The following STYXL1 variants were observed in gnomAD, a reference collection of about 807,000 sequenced individuals.
The protein encoded by STYXL1 is serine/threonine/tyrosine interacting like 1, also known as serine/threonine/tyrosine-interacting-like protein 1.
Under a neutral mutation model 36.4 loss-of-function variants are expected in STYXL1, and 32 were observed. That is an observed-to-expected ratio of 0.88 (90% confidence interval 0.66 to 1.18). The LOEUF (loss-of-function observed/expected upper bound fraction) is 1.18, where lower values mean the gene tolerates loss of function less well. Among genes scored for constraint, STYXL1 ranks in the 50% most tolerant of loss-of-function variants. The probability of loss-of-function intolerance (pLI) is 0.00; values close to 1 mark genes in which losing one functional copy is unlikely to be tolerated. For missense variants in STYXL1, 354 were observed against 394.1 expected, an observed-to-expected ratio of 0.90 and a Z score of 0.86; for synonymous variants, 133 against 144.1, an observed-to-expected ratio of 0.92 and a Z score of 0.55.
At chr7:75,998,770 A>G (rs894288054) in intron 8 of STYXL1, 1 of 152,254 alleles carries the variant, frequency 6.6e-6, no homozygotes, top group Non-Finnish European at 1.5e-5. Context: ...AAAGATCAAT[A>G]AAATCGATAC....
rs1554566978 is a variant in STYXL1 at position 76,000,989 on chromosome 7, G to T, written c.711C>A (p.His237Gln). ...AAAAGATCAGAATGACAGAGCCAAG[G>T]TGATGGTGAATTTCTGCAAAAAGAA... ...HMCHFIEIHHHLGSVILIFST... is the reference protein window; with the variant it reads ...HMCHFIEIHHQLGSVILIFST... The change falls in exon 8 of 9, where the codon CAC becomes CAA. Residue 237 changes from histidine (H) to glutamine (Q), a missense_variant. Physicochemically the swap from His to Gln is conservative, Grantham distance 24 (BLOSUM62 0). Transcript: ENST00000359697. 6.2e-7 allele frequency: 1 copy of T among 1,614,102 alleles called. No individual in the cohort carries two copies. Among genetic ancestry groups the T allele is most frequent in the Admixed American group, 1.7e-5 (1 of 60,026 alleles).
intron 5 of STYXL1, among the ~76,000 whole-genome samples, chr7:76,010,246 A>G (rs1301080160): frequency 7.0e-6 from 1 of 143,154 alleles, no homozygotes; most frequent in Non-Finnish European, 1.5e-5. Context: ...CTTATACTAG[A>G]CTGATTGTCT....
intron 3 of STYXL1, among the ~76,000 whole-genome samples, chr7:76,027,702 A>C (rs960075004): frequency 1.3e-5 from 2 of 152,140 alleles, no homozygotes; most frequent in Non-Finnish European, 2.9e-5. Flanking sequence ...AAATAATTAA[A>C]AACAACAAAA....
Position 76,001,003 on chromosome 7 carries a change from C to T in STYXL1, c.698-1G>A, listed in dbSNP as rs782725497. The T allele has an allele frequency of 3.1e-5, 50 of 1,613,306 alleles. No individual in the cohort carries two copies. The highest frequency in any genetic ancestry group is 4.0e-5 in the Non-Finnish European group (47 of 1,179,356). ...ACAGAGCCAAGGTGATGGTGAATTT[C>T]TGCAAAAAGAAGTGGGGGGTTGGGT... On this transcript the variant is annotated splice_acceptor_variant, in intron 7 of 8. Transcript: ENST00000359697. LOFTEE classifies it high-confidence loss of function.
At chr7:76,021,310 T>C (rs2116050744) in intron 4 of STYXL1, among the ~76,000 whole-genome samples, 1 of 152,202 alleles carries the variant, frequency 6.6e-6, no homozygotes, top group East Asian at 1.9e-4. Context: ...CTCAATCTCC[T>C]GACCTTGTGA....
chr7:76,011,056 A>T (rs1792496571), intron 5 of STYXL1, among the ~76,000 whole-genome samples: 1 of 152,074 alleles, frequency 6.6e-6, no homozygotes, highest in Non-Finnish European at 1.5e-5. Flanking sequence ...ATCTGCAAAA[A>T]ATTTTAAAAC....
intron 3 of STYXL1, among the ~76,000 whole-genome samples, chr7:76,022,414 C>T (rs1440464669): frequency 2.6e-5 from 4 of 151,960 alleles, no homozygotes; most frequent in African/African-American, 4.8e-5. Flanking sequence ...AATCCCAGCA[C>T]TTCAGGAGGC....
chr7:76,018,393 T>C (rs560178655), intron 4 of STYXL1, among the ~76,000 whole-genome samples: 1 of 152,016 alleles, frequency 6.6e-6, no homozygotes, highest in African/African-American at 2.4e-5. Flanking sequence ...GTCAGTACTT[T>C]TATTTTTTTT....
At chr7:76,009,864 TAA>T (rs1792341318) in intron 5 of STYXL1, among the ~76,000 whole-genome samples, 3 of 152,158 alleles carry the variant, frequency 2.0e-5, no homozygotes. Flanking sequence ...ACCTACATTC[TAA>T]AGACAGCTGC....
intron 4 of STYXL1, among the ~76,000 whole-genome samples, chr7:76,016,422 C>T (rs1328873109): frequency 6.8e-6 from 1 of 146,470 alleles, no homozygotes; most frequent in African/African-American, 2.7e-5. Flanking sequence ...TATACGTATA[C>T]ACATATATAC....
In STYXL1 at chr7:76,035,298, C is replaced by T. The variant is rs534491410; in HGVS notation, c.-4-4771G>A. 9.2e-5 allele frequency among the ~76,000 whole-genome samples: 14 copies of T among 152,184 alleles called. No homozygotes were observed. In the South Asian group the frequency reaches 2.5e-3, roughly 27 times the overall value. On this transcript the variant is annotated intron_variant, in intron 1 of 8. Transcript: ENST00000359697. ...CCAGTTTCATCTTCACATAATAGTCCGGGAAATCTTTAAAATCTGAGTAGG... is the reference window on the plus strand; with the variant it reads ...CCAGTTTCATCTTCACATAATAGTCTGGGAAATCTTTAAAATCTGAGTAGG...
chr7:75,999,706 C>T (rs544935041), intron 8 of STYXL1, among the ~76,000 whole-genome samples: 6 of 151,982 alleles, frequency 3.9e-5, no homozygotes, highest in African/African-American at 9.6e-5. Flanking sequence ...CACCACCACG[C>T]CCAGCTAATT....
chr7:76,047,598 G>A lies in STYXL1; in HGVS notation c.-5+64C>T, dbSNP rs546476234. The A allele has an allele frequency of 2.2e-3, 353 of 159,808 alleles. No homozygotes were observed. The Middle Eastern group carries it at 0.023, about 10-fold the overall frequency. 9.9% of individuals were successfully genotyped at this position (159,808 alleles called of 1,614,324 possible). A position where few individuals can be genotyped will look rare whatever the true frequency, so the allele number is the denominator to read the frequency against. The stretch of plus-strand genomic sequence containing the variant: ...TCTGCAACTTGGGAAACGACGGCCC[G>A]GATCTGAGGAGATGGCCCCTTCCTC... On this transcript the variant is annotated intron_variant, in intron 1 of 8. Coordinates refer to ENST00000359697, the MANE Select transcript of STYXL1 (RefSeq NM_001317785.2).
chr7:76,033,529 AG>A (rs1174589787), intron 1 of STYXL1, among the ~76,000 whole-genome samples: 1 of 152,172 alleles, frequency 6.6e-6, no homozygotes, highest in African/African-American at 2.4e-5. Context: ...GGAGAAGTTG[AG>A]TCCAGGGGTA....
chr7:76,011,700 G>A (rs1380120885), intron 5 of STYXL1, among the ~76,000 whole-genome samples: 8 of 152,218 alleles, frequency 5.3e-5, no homozygotes, highest in Non-Finnish European at 4.4e-5. Context: ...ACCAGGCCCT[G>A]CCTGCAAATC....
intron 4 of STYXL1, among the ~76,000 whole-genome samples, chr7:76,020,691 G>T (rs1554575768): frequency 6.6e-6 from 1 of 152,142 alleles, no homozygotes; most frequent in Non-Finnish European, 1.5e-5. Context: ...AAATAAATGA[G>T]CTGGGTACCT....
Position 76,047,816 on chromosome 7 carries a change from A to T in STYXL1, c.-159T>A. 1.1e-6 allele frequency: 1 copy of T among 933,952 alleles called. No homozygotes were observed. Among genetic ancestry groups the T allele is most frequent in the Non-Finnish European group, 1.4e-6 (1 of 714,080 alleles). The allele number at this position is 933,952 out of a possible 1,614,324, so 57.9% of individuals were successfully genotyped here. ...AGCCTCTGCCTGGGGCCCCACCTGG[A>T]AAAATGGCTCCTCTAAGGCGCTTCC... On this transcript the variant is annotated 5_prime_UTR_variant, in exon 1 of 9. Transcript: ENST00000359697.
chr7:76,047,967 G>A lies in STYXL1; in HGVS notation c.-310C>T, dbSNP rs1206880365. 2.7e-6 allele frequency: 4 copies of A among 1,465,108 alleles called. No individual in the cohort carries two copies. The highest frequency in any genetic ancestry group is 4.5e-5 in the Admixed American group (2 of 44,038). 90.8% of individuals were successfully genotyped at this position (1,465,108 alleles called of 1,614,324 possible). On this transcript the variant is annotated 5_prime_UTR_variant, in exon 1 of 9. Coordinates refer to ENST00000359697, the MANE Select transcript of STYXL1 (RefSeq NM_001317785.2). ...AGCCAAACACCGGGGTTGCCAGGATGGTCCCACAGCTTTCCTTTCCGACTC... is the reference window on the plus strand; with the variant it reads ...AGCCAAACACCGGGGTTGCCAGGATAGTCCCACAGCTTTCCTTTCCGACTC...
chr7:76,042,390 CTTTTT>C (rs528469396), intron 1 of STYXL1, among the ~76,000 whole-genome samples: 40 of 41,820 alleles, frequency 9.6e-4, no homozygotes, highest in South Asian at 3.2e-3. Flanking sequence ...CCCTTATGTG[CTTTTT>C]TTTTTTTTTT....
Sources: gnomAD v4.1 joint callset for allele counts (sites outside exome capture counted in the v4.1 genomes callset) on GRCh38, gnomAD v4.1.1 for gene constraint, MANE v1.5 for transcripts, NCBI Gene and HGNC (gene_info 2026-07-23, HGNC 2026-07-21) for gene names.